Variants in PRKCA observed in about 807,000 individuals in gnomAD.
PRKCA encodes the protein protein kinase C alpha type.
Under a neutral mutation model 87.0 loss-of-function variants are expected in PRKCA, and 27 were observed. The observed-to-expected ratio is 0.31, with a 90% CI of 0.23 to 0.43. The LOEUF (loss-of-function observed/expected upper bound fraction) is 0.43. PRKCA is among the 20% of genes least tolerant of loss of function. The pLI is 1.00. For missense variants in PRKCA, 518 were observed against 852.3 expected (o/e 0.61, Z 4.88); for synonymous variants, 329 against 311.1 (o/e 1.06, Z -0.61).
chr17:66,433,546 C>A (rs1317222512), intron 2 of PRKCA, among the ~76,000 whole-genome samples: 2 of 151,892 alleles, frequency 1.3e-5, no homozygotes, highest in Non-Finnish European at 2.9e-5. Context: ...GAGTTTTTTT[C>A]ATTTTTGTTT....
intron 3 of PRKCA, among the ~76,000 whole-genome samples, chr17:66,625,462 A>G (rs959136637): frequency 4.6e-5 from 7 of 152,228 alleles, no homozygotes; most frequent in African/African-American, 1.7e-4. Flanking sequence ...CTCTAGTGGA[A>G]TTAAAAGGTA....
chr17:66,441,436 G>A (rs76658762), intron 2 of PRKCA, among the ~76,000 whole-genome samples: 303 of 152,098 alleles, frequency 2.0e-3, no homozygotes, highest in African/African-American at 6.9e-3. Flanking sequence ...CCCTGAGGGG[G>A]AACCTACTTC....
intron 2 of PRKCA, among the ~76,000 whole-genome samples, chr17:66,408,065 T>A (rs1490852950): frequency 6.6e-6 from 1 of 152,224 alleles, no homozygotes; most frequent in Non-Finnish European, 1.5e-5. Context: ...ATTATAAAAA[T>A]TGGCATTGAC....
At chr17:66,420,639 GT>G in intron 2 of PRKCA, among the ~76,000 whole-genome samples, 1 of 152,164 alleles carries the variant, frequency 6.6e-6, no homozygotes, top group East Asian at 1.9e-4. Context: ...CTACGATATG[GT>G]GTTAGGTGTA....
intron 14 of PRKCA, among the ~76,000 whole-genome samples, chr17:66,781,232 A>T (rs556815635): frequency 1.3e-5 from 2 of 152,096 alleles, no homozygotes; most frequent in East Asian, 3.9e-4. Context: ...TTCCTTTCTC[A>T]TGTGTATTTG....
chr17:66,741,225 G>A (rs1043559605), intron 11 of PRKCA, among the ~76,000 whole-genome samples: 9 of 152,204 alleles, frequency 5.9e-5, no homozygotes, highest in African/African-American at 2.2e-4. Flanking sequence ...TAGCTAAAGA[G>A]TTCATCACCC....
intron 13 of PRKCA, among the ~76,000 whole-genome samples, chr17:66,761,629 G>A (rs1974687411): frequency 6.6e-6 from 1 of 151,664 alleles, no homozygotes; most frequent in Admixed American, 6.6e-5. Context: ...GCTAATTTTT[G>A]GACAGGCTGG....
At chr17:66,424,544 G>A (rs961048059) in intron 2 of PRKCA, among the ~76,000 whole-genome samples, 3 of 122,056 alleles carry the variant, frequency 2.5e-5, no homozygotes, top group East Asian at 2.7e-4. Context: ...TATAGCCGAG[G>A]CAGCAGAGCA....
chr17:66,560,926 G>T (rs1968662172), intron 3 of PRKCA, among the ~76,000 whole-genome samples: 1 of 152,150 alleles, frequency 6.6e-6, no homozygotes, highest in Non-Finnish European at 1.5e-5. Context: ...GAGATTGTCG[G>T]CTGTCTTCCC....
At chr17:66,736,434 C>T (rs904935672) in intron 10 of PRKCA, among the ~76,000 whole-genome samples, 4 of 152,214 alleles carry the variant, frequency 2.6e-5, no homozygotes, top group East Asian at 1.9e-4. Flanking sequence ...GCTGCCACCA[C>T]GCCCGGCTAA....
intron 9 of PRKCA, among the ~76,000 whole-genome samples, chr17:66,734,655 A>G (rs1973981530): frequency 2.6e-5 from 4 of 151,992 alleles, no homozygotes; most frequent in South Asian, 2.1e-4. Flanking sequence ...CTGACCTCCT[A>G]TCTCATCCTG....
At chr17:66,462,874 G>A (rs1019342438) in intron 2 of PRKCA, among the ~76,000 whole-genome samples, 11 of 151,960 alleles carry the variant, frequency 7.2e-5, no homozygotes, top group African/African-American at 2.7e-4. Context: ...ATTGAAGGAT[G>A]TGGAAGAAGA....
At chr17:66,440,048 C>A (rs1473155711) in intron 2 of PRKCA, among the ~76,000 whole-genome samples, 1 of 152,082 alleles carries the variant, frequency 6.6e-6, no homozygotes, top group East Asian at 1.9e-4. Flanking sequence ...TTGGGGTTTT[C>A]CCCCCTTCCA....
chr17:66,409,624 G>C (rs1911651712), intron 2 of PRKCA, among the ~76,000 whole-genome samples: 1 of 152,140 alleles, frequency 6.6e-6, no homozygotes, highest in African/African-American at 2.4e-5. Flanking sequence ...TATTCTGAGA[G>C]CTCCACATAG....
chr17:66,499,263 G>A (rs912216006), intron 3 of PRKCA, among the ~76,000 whole-genome samples: 2 of 152,094 alleles, frequency 1.3e-5, no homozygotes, highest in African/African-American at 4.8e-5. Context: ...CATGTTGCAT[G>A]GGAGAGGAAG....
chr17:66,735,386 G>C (rs1364142548), intron 9 of PRKCA, 103 bp from the exon 10 acceptor site: 4 of 1,180,344 alleles, frequency 3.4e-6, no homozygotes, highest in African/African-American at 1.5e-5. Flanking sequence ...CATTGACAAA[G>C]GTGCACAAAC....
intron 2 of PRKCA, among the ~76,000 whole-genome samples, chr17:66,312,345 A>AT (rs1905124974): frequency 6.6e-6 from 1 of 152,124 alleles, no homozygotes; most frequent in Admixed American, 6.5e-5. Context: ...ACTCTCCTGG[A>AT]TGATACTATT....
intron 2 of PRKCA, among the ~76,000 whole-genome samples, chr17:66,343,157 G>A (rs977268424): frequency 2.0e-5 from 3 of 151,674 alleles, no homozygotes; most frequent in Admixed American, 6.6e-5. Context: ...CATCTTGTTT[G>A]GTTTACCGTG....
chr17:66,508,442 G>C (rs1329326002), intron 3 of PRKCA, among the ~76,000 whole-genome samples: 1 of 152,196 alleles, frequency 6.6e-6, no homozygotes, highest in Non-Finnish European at 1.5e-5. Context: ...TGTGTGGAAA[G>C]AGCACTCTGC....
Sources: gnomAD v4.1 joint callset for allele counts (sites outside exome capture counted in the v4.1 genomes callset) on GRCh38, gnomAD v4.1.1 for gene constraint, MANE v1.5 for transcripts, NCBI Gene and HGNC (gene_info 2026-07-23, HGNC 2026-07-21) for gene names.